The following NALF1 variants were observed in gnomAD, a reference collection of about 807,000 sequenced individuals.
NALF1 encodes family with sequence similarity 155 member A.
In NALF1, 3 loss-of-function variants were observed where a neutral mutation model predicts 48.4. The observed-to-expected ratio is 0.06, with a 90% CI of 0.03 to 0.16. NALF1 has a LOEUF of 0.16. Among genes scored for constraint, NALF1 ranks in the 10% least tolerant of loss-of-function variants. The pLI, the probability that NALF1 is intolerant of heterozygous loss-of-function variation, is 1.00. For synonymous variants in NALF1, 262 were observed against 245.7 expected, an observed-to-expected ratio of 1.07 and a Z score of -0.62; for missense variants, 526 against 571.5, an observed-to-expected ratio of 0.92 and a Z score of 0.81.
intron 1 of NALF1, among the ~76,000 whole-genome samples, chr13:107,716,283 G>A (rs1048390408): frequency 1.3e-5 from 2 of 152,224 alleles, no homozygotes; most frequent in Non-Finnish European, 2.9e-5. Context: ...CCACTCGAGA[G>A]CAGTGCTCCC....
chr13:107,340,397 T>G (rs1426749184), intron 1 of NALF1, among the ~76,000 whole-genome samples: 1 of 151,150 alleles, frequency 6.6e-6, no homozygotes, highest in Non-Finnish European at 1.5e-5. Flanking sequence ...CGCTTCAGCC[T>G]CCCAAAGTGC....
intron 1 of NALF1, among the ~76,000 whole-genome samples, chr13:107,436,350 G>A (rs1469947455): frequency 6.6e-6 from 1 of 152,056 alleles, no homozygotes; most frequent in Non-Finnish European, 1.5e-5. Context: ...TATTAAAAGG[G>A]TAACCATTAT....
intron 1 of NALF1, among the ~76,000 whole-genome samples, chr13:107,239,423 G>A (rs527440086): frequency 6.6e-6 from 1 of 152,116 alleles, no homozygotes; most frequent in Non-Finnish European, 1.5e-5. Flanking sequence ...GTCCTCACAT[G>A]GCACTTCCCT....
At chr13:107,783,016 G>C (rs1396574168) in intron 1 of NALF1, among the ~76,000 whole-genome samples, 1 of 141,888 alleles carries the variant, frequency 7.0e-6, no homozygotes, top group African/African-American at 2.6e-5. Flanking sequence ...GGAGGGAGGT[G>C]GGGGGTCAGC....
At chr13:107,770,206 C>T (rs1395258948) in intron 1 of NALF1, among the ~76,000 whole-genome samples, 4 of 152,166 alleles carry the variant, frequency 2.6e-5, no homozygotes, top group Non-Finnish European at 4.4e-5. Flanking sequence ...AGCCACCGCG[C>T]CGGGCCCACT....
At chr13:107,797,285 GA>G (rs1878455967) in intron 1 of NALF1, among the ~76,000 whole-genome samples, 1 of 151,964 alleles carries the variant, frequency 6.6e-6, no homozygotes, top group African/African-American at 2.4e-5. Context: ...AGCTCACTGC[GA>G]GCTCTGCTTC....
intron 1 of NALF1, among the ~76,000 whole-genome samples, chr13:107,257,765 G>C (rs910763759): frequency 3.3e-5 from 5 of 152,138 alleles, no homozygotes; most frequent in Admixed American, 2.6e-4. Context: ...GAGGACTGTA[G>C]GGACTGTGAT....
intron 1 of NALF1, among the ~76,000 whole-genome samples, chr13:107,620,419 A>G (rs1879489304): frequency 6.6e-6 from 1 of 152,204 alleles, no homozygotes; most frequent in Non-Finnish European, 1.5e-5. Context: ...TGAAAATTCT[A>G]AGAGGAACAG....
At chr13:107,224,178 T>C (rs1016330398) in intron 1 of NALF1, among the ~76,000 whole-genome samples, 1 of 151,982 alleles carries the variant, frequency 6.6e-6, no homozygotes, top group Non-Finnish European at 1.5e-5. Context: ...GATCATTATA[T>C]ATTTGGAATT....
chr13:107,545,049 T>C (rs1056612217), intron 1 of NALF1, among the ~76,000 whole-genome samples: 13 of 152,214 alleles, frequency 8.5e-5, no homozygotes, highest in African/African-American at 3.1e-4. Flanking sequence ...TCAAAAGATA[T>C]GCCGACGTCC....
chr13:107,206,610 T>C (rs892830152), intron 2 of NALF1, among the ~76,000 whole-genome samples: 1 of 152,214 alleles, frequency 6.6e-6, no homozygotes, highest in African/African-American at 2.4e-5. Context: ...CAAGGGGTGA[T>C]ATTCCCTTTT....
At chr13:107,414,138 A>C (rs1884042658) in intron 1 of NALF1, among the ~76,000 whole-genome samples, 1 of 152,170 alleles carries the variant, frequency 6.6e-6, no homozygotes, top group Non-Finnish European at 1.5e-5. Flanking sequence ...CGATCTATTA[A>C]AAATAATTTA....
intron 1 of NALF1, among the ~76,000 whole-genome samples, chr13:107,222,791 C>T (rs1880021293): frequency 6.6e-6 from 1 of 152,206 alleles, no homozygotes; most frequent in Non-Finnish European, 1.5e-5. Flanking sequence ...GCAGTGAACT[C>T]TCCGCAGGAG....
intron 1 of NALF1, among the ~76,000 whole-genome samples, chr13:107,809,958 TTC>T (rs1488295094): frequency 1.3e-5 from 2 of 151,926 alleles, no homozygotes; most frequent in East Asian, 1.9e-4. Flanking sequence ...CTCATTTCCA[TTC>T]TCTCTCTCTC....
chr13:107,184,054 G>A (rs186712253), intron 2 of NALF1, among the ~76,000 whole-genome samples: 4 of 150,036 alleles, frequency 2.7e-5, no homozygotes, highest in Non-Finnish European at 5.9e-5. Context: ...CATGGCTCAC[G>A]GCAACCTCTG....
At chr13:107,746,163 AAAGTG>A in intron 1 of NALF1, among the ~76,000 whole-genome samples, 1 of 152,344 alleles carries the variant, frequency 6.6e-6, no homozygotes, top group South Asian at 2.1e-4. Context: ...TTTTGTGGAT[AAAGTG>A]AAGATATAAA....
In NALF1 at chr13:107,182,226, C is replaced by CTGTG. The variant is rs148923366; in HGVS notation, c.1088-11444_1088-11441dup. On this transcript the variant is annotated intron_variant, in intron 2 of 2. Coordinates refer to ENST00000375915, the MANE Select transcript of NALF1 (RefSeq NM_001080396.3). ...GAGCATATTTATTTATTTATTTATG[C>CTGTG]TGTGTGTGTGTGTGTGTGTGTGTGT... is the stretch of plus-strand genomic sequence containing the variant. 5.4e-4 allele frequency among the ~76,000 whole-genome samples: 79 copies of CTGTG among 145,242 alleles called. 1 individual carries two copies. In the South Asian group the frequency reaches 5.9e-3, roughly 11 times the overall value.
chr13:107,293,354 G>A (rs761625650), intron 1 of NALF1, among the ~76,000 whole-genome samples: 2 of 152,098 alleles, frequency 1.3e-5, no homozygotes, highest in Admixed American at 1.3e-4. Context: ...TAGGCGGTGC[G>A]TGACTGTATG....
intron 1 of NALF1, among the ~76,000 whole-genome samples, chr13:107,300,096 T>C (rs1881810277): frequency 6.6e-6 from 1 of 152,244 alleles, no homozygotes; most frequent in African/African-American, 2.4e-5. Flanking sequence ...GGACAGTATG[T>C]GGTCACGAGT....
Sources: gnomAD v4.1 joint callset for allele counts (sites outside exome capture counted in the v4.1 genomes callset) on GRCh38, gnomAD v4.1.1 for gene constraint, MANE v1.5 for transcripts, NCBI Gene and HGNC (gene_info 2026-07-23, HGNC 2026-07-21) for gene names.